Variants in FREM2 observed in about 807,000 individuals in gnomAD.
The protein encoded by FREM2 is FRAS1-related extracellular matrix protein 2.
In FREM2, 119 loss-of-function variants were observed where a neutral mutation model predicts 219.9. The observed-to-expected ratio is 0.54, with a 90% CI of 0.47 to 0.63. The LOEUF (loss-of-function observed/expected upper bound fraction) is 0.63. Among genes scored for constraint, FREM2 ranks in the 30% least tolerant of loss-of-function variants. FREM2 has a pLI of 0.00. For missense variants in FREM2, 4,030 were observed against 3,993.6 expected (o/e 1.01, Z -0.25); for synonymous variants, 1,562 against 1,522.8 (o/e 1.03, Z -0.60).
At chr13:38,828,696 G>C (rs1193540956) in intron 6 of FREM2, among the ~76,000 whole-genome samples, 3 of 151,134 alleles carry the variant, frequency 2.0e-5, no homozygotes, top group Non-Finnish European at 4.4e-5. Context: ...GGGCAACAGA[G>C]AGAGAGAGAC....
intron 6 of FREM2, among the ~76,000 whole-genome samples, chr13:38,804,521 G>A (rs754868604): frequency 4.0e-5 from 6 of 151,878 alleles, no homozygotes; most frequent in African/African-American, 7.3e-5. Context: ...TAAAATATAG[G>A]CCAAGAACTC....
chr13:38,828,050 T>G (rs900235859), intron 6 of FREM2, among the ~76,000 whole-genome samples: 1 of 152,134 alleles, frequency 6.6e-6, no homozygotes, highest in Non-Finnish European at 1.5e-5. Flanking sequence ...TCCCTTGAGG[T>G]CATTTAGTTT....
In FREM2 at chr13:38,690,316, A is replaced by C. The variant is rs559654259; in HGVS notation, c.2972A>C (p.Tyr991Ser). The change falls in exon 1 of 24, where the codon TAT becomes TCT. Residue 991 changes from tyrosine to serine, a missense_variant. This residue lies in a region of FREM2 where 3,102 missense variants were observed against 2,950.7 expected (regional missense o/e 1.05). Coordinates refer to ENST00000280481, the MANE Select transcript of FREM2 (RefSeq NM_207361.6). ...LTFLLEDPPL[Y>S]GEILVNGIPA... ...TTCCTCTTGGAAGATCCACCTTTGTATGGGGAAATCTTGGTCAATGGCATT... is the reference window on the plus strand; with the variant it reads ...TTCCTCTTGGAAGATCCACCTTTGTCTGGGGAAATCTTGGTCAATGGCATT... 42 of 1,614,196 alleles carry C rather than the reference A, an allele frequency of 2.6e-5. 1 individual carries two copies. Among genetic ancestry groups the C allele is most frequent in the South Asian group, 2.3e-4 (21 of 91,086 alleles).
At position 38,687,862 on chromosome 13, in the gene FREM2, A is replaced by T; in HGVS notation, c.518A>T (p.Glu173Val). Residue 173 changes from glutamate to valine, a missense_variant, in exon 1 of 24, where the codon GAG becomes GTG. By Grantham distance (121) the Glu-to-Val change is moderately radical. Around this residue, in one of 2 missense-constraint regions of FREM2, gnomAD observed 3,102 missense variants for 2,950.7 expected, o/e 1.05. Coordinates refer to ENST00000280481, the MANE Select transcript of FREM2 (RefSeq NM_207361.6). The stretch of plus-strand genomic sequence containing the variant: ...GTGCTACCACTGGTACTGGAGGTGG[A>T]GGTGGTCTTCACCCAGCTGGAGGTT... ...AVVLPLVLEV[E>V]VVFTQLEVVT... 6.4e-7 allele frequency: 1 copy of T among 1,568,166 alleles called. No individual in the cohort carries two copies. Among genetic ancestry groups the T allele is most frequent in the Non-Finnish European group, 8.7e-7 (1 of 1,152,814 alleles).
rs763682378 is a variant in FREM2, at chr13:38,687,752, GC to G, written c.409del (p.Arg137AlafsTer28). ...CGTGCGACTTTGGCCCTGGCGAGGTGCGCTACTCTCACCTGGGCGCGCGCAG... is the reference window on the plus strand; with the variant it reads ...CGTGCGACTTTGGCCCTGGCGAGGTGGCTACTCTCACCTGGGCGCGCGCAG... ...FPCDFGPGEV[R>X]YSHLGARSPS... On this transcript the variant is annotated frameshift_variant, in exon 1 of 24. Transcript: ENST00000280481. LOFTEE classifies it high-confidence loss of function. 1.9e-6 allele frequency: 3 copies of G among 1,543,922 alleles called. No homozygotes were observed. Among genetic ancestry groups the G allele is most frequent in the Non-Finnish European group, 2.6e-6 (3 of 1,142,644 alleles).
intron 6 of FREM2, among the ~76,000 whole-genome samples, chr13:38,809,995 T>G (rs1289276464): frequency 1.3e-5 from 2 of 152,054 alleles, no homozygotes; most frequent in Non-Finnish European, 2.9e-5. Flanking sequence ...TGTCCTCAAT[T>G]TCTTTCATCA....
chr13:38,719,052 T>G (rs903329381), intron 2 of FREM2, among the ~76,000 whole-genome samples: 1 of 152,070 alleles, frequency 6.6e-6, no homozygotes, highest in Non-Finnish European at 1.5e-5. Flanking sequence ...AGTTTGGAGG[T>G]CAGAAGTTCC....
rs1869481875 is a variant in FREM2, at chr13:38,687,115, C to T, written c.-230C>T. On this transcript the variant is annotated 5_prime_UTR_variant, in exon 1 of 24. Transcript: ENST00000280481. Reference sequence around the variant, plus strand: ...TTCAATTCTCCGCGCGATTGAGGCGCTAGCGGCGGAGCTGGACGGCCTGGG... The same window carrying T: ...TTCAATTCTCCGCGCGATTGAGGCGTTAGCGGCGGAGCTGGACGGCCTGGG... 2 of 596,522 alleles carry T rather than the reference C, an allele frequency of 3.4e-6. No individual in the cohort carries two copies. The highest frequency in any genetic ancestry group is 2.1e-5 in the South Asian group (1 of 47,646). The allele number at this position is 596,522 out of a possible 1,614,324, so 37.0% of individuals were successfully genotyped here. A position where few individuals can be genotyped will look rare whatever the true frequency, so the allele number is the denominator to read the frequency against.
Position 38,688,683 on chromosome 13 carries a change from C to T in FREM2, c.1339C>T (p.Leu447Phe). Reference sequence around the variant, plus strand: ...TCCGGTGGTCACCCGGAATACCGGTCTTATTCTCTATGAGGGTCAGTCTCG... The same window carrying T: ...TCCGGTGGTCACCCGGAATACCGGTTTTATTCTCTATGAGGGTCAGTCTCG... ...MAPVVTRNTG[L>F]ILYEGQSRPL... The change falls in exon 1 of 24, where the codon CTT becomes TTT. Residue 447 changes from leucine to phenylalanine, a missense_variant. By Grantham distance (22) the Leu-to-Phe change is conservative. Coordinates refer to ENST00000280481, the MANE Select transcript of FREM2 (RefSeq NM_207361.6). The T allele has an allele frequency of 1.2e-6, 2 of 1,614,026 alleles. No individual in the cohort carries two copies. Among genetic ancestry groups the T allele is most frequent in the South Asian group, 1.1e-5 (1 of 91,074 alleles).
At chr13:38,706,957 T>C (rs1402792792) in intron 2 of FREM2, among the ~76,000 whole-genome samples, 8 of 152,218 alleles carry the variant, frequency 5.3e-5, no homozygotes, top group Non-Finnish European at 1.2e-4. Flanking sequence ...GTACTTTTGT[T>C]CTTGCTTCAC....
chr13:38,737,848 G>T (rs1306757476), intron 2 of FREM2, among the ~76,000 whole-genome samples: 1 of 152,222 alleles, frequency 6.6e-6, no homozygotes, highest in African/African-American at 2.4e-5. Flanking sequence ...TCAATATGGA[G>T]TTAGTTAAGG....
chr13:38,840,169 C>T (rs115888653), intron 6 of FREM2, among the ~76,000 whole-genome samples: 1 of 152,052 alleles, frequency 6.6e-6, no homozygotes, highest in African/African-American at 2.4e-5. Context: ...CACAGTTCCT[C>T]ACGGCACAGT....
intron 6 of FREM2, among the ~76,000 whole-genome samples, chr13:38,800,229 T>C (rs941348961): frequency 1.3e-5 from 2 of 152,202 alleles, no homozygotes; most frequent in Non-Finnish European, 1.5e-5. Context: ...CTTGAACATT[T>C]CTTGTAGGGC....
intron 2 of FREM2, among the ~76,000 whole-genome samples, chr13:38,699,824 C>T (rs940950717): frequency 5.9e-5 from 9 of 151,888 alleles, no homozygotes; most frequent in Admixed American, 2.6e-4. Flanking sequence ...TTTGCATTGC[C>T]GTATAAATCT....
intron 5 of FREM2, 57 bp downstream of exon 5, chr13:38,783,252 T>C (rs1036930457): frequency 3.1e-5 from 49 of 1,586,746 alleles, no homozygotes; most frequent in African/African-American, 9.4e-5. Context: ...ATAAGCCTTT[T>C]TAACATATTG....
rs747810659 is a variant in FREM2, at chr13:38,690,629, C to T, written c.3285C>T (p.Val1095=). 9.9e-6 allele frequency: 16 copies of T among 1,613,652 alleles called. No homozygotes were observed. The highest frequency in any genetic ancestry group is 3.3e-5 in the South Asian group (3 of 91,066). Residue 1095 remains valine (V), a synonymous_variant, in exon 1 of 24, where the codon GTC becomes GTT. Transcript: ENST00000280481. ...CAGTGCATATAAGTGCTGAAGATGTCGACTCCCTGAATGATGACATCTTGT... is the reference window on the plus strand; with the variant it reads ...CAGTGCATATAAGTGCTGAAGATGTTGACTCCCTGAATGATGACATCTTGT... ...ITSVHISAED[V]DSLNDDILCT...
At chr13:38,823,231 T>A (rs1388342167) in intron 6 of FREM2, among the ~76,000 whole-genome samples, 3 of 152,032 alleles carry the variant, frequency 2.0e-5, no homozygotes, top group Non-Finnish European at 2.9e-5. Context: ...TGCCATCACC[T>A]GATCCAAACG....
At position 38,691,976 on chromosome 13, in the gene FREM2, T is replaced by C. The variant is rs146140915; in HGVS notation, c.4632T>C (p.Ser1544=). The change falls in exon 1 of 24, where the codon AGT becomes AGC. Residue 1544 remains serine (S), a synonymous_variant. Transcript: ENST00000280481. ...TCACCATCCACAAGCTGGTTGTCAGTGAAAGTGAAAACAAGCTGATTACTC... is the reference window on the plus strand; with the variant it reads ...TCACCATCCACAAGCTGGTTGTCAGCGAAAGTGAAAACAAGCTGATTACTC... ...PVVTIHKLVV[S]ESENKLITPF... 104 of 1,614,086 alleles carry C rather than the reference T, an allele frequency of 6.4e-5. No individual in the cohort carries two copies. In the African/African-American group the frequency reaches 1.2e-3, roughly 19 times the overall value.
At chr13:38,874,348 G>A in intron 17 of FREM2, 134 bp from the exon 18 acceptor site, 1 of 726,440 alleles carries the variant, frequency 1.4e-6, no homozygotes, top group Non-Finnish European at 2.5e-6. Flanking sequence ...CTGTTATTCA[G>A]AATTCTTCTG....
Sources: allele counts gnomAD v4.1 joint callset (sites outside exome capture counted in the v4.1 genomes callset), GRCh38; gene constraint gnomAD v4.1.1; regional missense constraint gnomAD v4.1.1; transcripts MANE v1.5; gene names NCBI Gene and HGNC (gene_info 2026-07-23, HGNC 2026-07-21).